ADAM18: variants seen among roughly 807,000 people sequenced by gnomAD.
ADAM18 encodes the protein disintegrin and metalloproteinase domain-containing protein 18.
Under a neutral mutation model 94.4 loss-of-function variants are expected in ADAM18, and 117 were observed. That is an observed-to-expected ratio of 1.24 (90% CI 1.07 to 1.45). The LOEUF (loss-of-function observed/expected upper bound fraction) is 1.45, where lower values mean the gene tolerates loss of function less well. ADAM18 is among the 40% of genes most tolerant of loss of function. The pLI is 0.00. For missense variants in ADAM18, 936 were observed against 880.0 expected, an observed-to-expected ratio of 1.06 and a Z score of -0.81; for synonymous variants, 327 against 291.6, an observed-to-expected ratio of 1.12 and a Z score of -1.24.
chr8:39,727,424 C>T (rs1822947785), intron 19 of ADAM18, among the ~76,000 whole-genome samples: 1 of 152,184 alleles, frequency 6.6e-6, no homozygotes, highest in Non-Finnish European at 1.5e-5. Flanking sequence ...CATTACTTTG[C>T]TCCCCCATCT....
chr8:39,608,072 A>G (rs954828201), intron 3 of ADAM18, among the ~76,000 whole-genome samples: 1 of 152,104 alleles, frequency 6.6e-6, no homozygotes, highest in Non-Finnish European at 1.5e-5. Context: ...TGGCAAATAT[A>G]TAAGTTTTTC....
At chr8:39,727,878 A>T (rs191614395) in intron 19 of ADAM18, among the ~76,000 whole-genome samples, 29 of 152,270 alleles carry the variant, frequency 1.9e-4, no homozygotes, top group Non-Finnish European at 2.9e-5. Flanking sequence ...TTGCATTGCT[A>T]TAAAGAAATA....
intron 6 of ADAM18, among the ~76,000 whole-genome samples, chr8:39,614,739 T>C (rs1212169224): frequency 6.6e-6 from 1 of 152,136 alleles, no homozygotes; most frequent in African/African-American, 2.4e-5. Flanking sequence ...GTGACACCCA[T>C]AGATTCAAAG....
chr8:39,619,310 A>G (rs1819537901), intron 6 of ADAM18, among the ~76,000 whole-genome samples: 1 of 152,228 alleles, frequency 6.6e-6, no homozygotes, highest in Non-Finnish European at 1.5e-5. Context: ...TACTCAAGAT[A>G]AAAGCGACCG....
At chr8:39,716,434 T>C (rs1242173660) in intron 18 of ADAM18, among the ~76,000 whole-genome samples, 1 of 152,000 alleles carries the variant, frequency 6.6e-6, no homozygotes, top group East Asian at 1.9e-4. Flanking sequence ...TTTGTTTCCA[T>C]TTTGTTTTCT....
At chr8:39,701,957 A>G (rs761175719) in intron 17 of ADAM18, among the ~76,000 whole-genome samples, 1 of 152,144 alleles carries the variant, frequency 6.6e-6, no homozygotes, top group East Asian at 1.9e-4. Context: ...ATATGCCTGC[A>G]TGTGTCTTTA....
intron 17 of ADAM18, among the ~76,000 whole-genome samples, chr8:39,706,434 G>C (rs1355206795): frequency 1.3e-5 from 2 of 152,050 alleles, no homozygotes; most frequent in African/African-American, 2.4e-5. Context: ...TCCAAATAGT[G>C]ACAACGAATG....
At chr8:39,682,107 A>G (rs542922326) in intron 16 of ADAM18, among the ~76,000 whole-genome samples, 6 of 152,150 alleles carry the variant, frequency 3.9e-5, no homozygotes, top group African/African-American at 7.2e-5. Flanking sequence ...CTCTTAACTA[A>G]TGTTCTACAG....
chr8:39,717,205 C>G (rs1202254045), intron 18 of ADAM18, among the ~76,000 whole-genome samples: 2 of 151,722 alleles, frequency 1.3e-5, no homozygotes, highest in African/African-American at 4.8e-5. Flanking sequence ...TAAGCTCAAT[C>G]ACATAAAAAA....
At chr8:39,666,222 G>A (rs1011066460) in intron 13 of ADAM18, among the ~76,000 whole-genome samples, 8 of 151,998 alleles carry the variant, frequency 5.3e-5, no homozygotes, top group African/African-American at 1.9e-4. Flanking sequence ...ATTTTTTGTA[G>A]AGATGGGGTA....
At chr8:39,728,079 G>C (rs1384688036) in intron 19 of ADAM18, among the ~76,000 whole-genome samples, 1 of 152,000 alleles carries the variant, frequency 6.6e-6, no homozygotes, top group African/African-American at 2.4e-5. Context: ...AGAGAGTCAG[G>C]TGAGGATGGT....
intron 13 of ADAM18, 30 bp downstream of exon 13, chr8:39,663,920 T>C (rs1820921644): frequency 2.1e-6 from 3 of 1,461,668 alleles, no homozygotes; most frequent in African/African-American, 1.4e-5. Flanking sequence ...TAAAAGCAAA[T>C]TGAACTGTGG....
intron 16 of ADAM18, among the ~76,000 whole-genome samples, chr8:39,689,283 C>T (rs79354411): frequency 0.018 from 2,693 of 152,144 alleles, 42 homozygotes; most frequent in Middle Eastern, 0.037. Flanking sequence ...TCATTGCCTG[C>T]GCCTATGTCT....
rs1820442708 is a variant in ADAM18, at chr8:39,648,413, T to G, written c.1116T>G (p.Phe372Leu). 1 of 1,613,198 alleles carries G rather than the reference T, an allele frequency of 6.2e-7. No homozygotes were observed. The change falls in exon 12 of 20, where the codon TTT (phenylalanine) becomes TTG (leucine). Residue 372 changes from phenylalanine to leucine, a missense_variant. Physicochemically the swap from Phe to Leu is conservative, Grantham distance 22. Transcript: ENST00000265707. ...ACTATAGATATTTTGTTTCAAAATT[T>G]GAGACTAAATGCCTTCAGAAGCTTT... is the stretch of plus-strand genomic sequence containing the variant. The part of the protein sequence containing the change: ...MHDYRYFVSK[F>L]ETKCLQKLSN...
At chr8:39,656,787 G>T (rs1820696594) in intron 12 of ADAM18, among the ~76,000 whole-genome samples, 1 of 152,128 alleles carries the variant, frequency 6.6e-6, no homozygotes, top group South Asian at 2.1e-4. Context: ...TTTCAAAGTG[G>T]ATTTACTAAT....
chr8:39,680,972 A>G lies in ADAM18; in HGVS notation c.1821+746A>G, dbSNP rs985962510. ...AACCCTAATCCCTTGAGAAACCTCT[A>G]TGTGGTAATCTGCTCCTGAAATGAC... is the stretch of plus-strand genomic sequence containing the variant. On this transcript the variant is annotated intron_variant, in intron 16 of 19. Coordinates refer to ENST00000265707, the MANE Select transcript of ADAM18 (RefSeq NM_014237.3). Among the ~76,000 whole-genome samples, 8 of 152,308 alleles carry G rather than the reference A, an allele frequency of 5.3e-5. No individual in the cohort carries two copies. The East Asian group carries it at 1.4e-3, about 26-fold the overall frequency.
At chr8:39,599,773 C>A (rs1271304276) in intron 2 of ADAM18, among the ~76,000 whole-genome samples, 1 of 151,768 alleles carries the variant, frequency 6.6e-6, no homozygotes, top group Non-Finnish European at 1.5e-5. Context: ...AGCTTCCATC[C>A]TTCATATTAT....
intron 4 of ADAM18, 146 bp downstream of exon 4, chr8:39,609,266 T>A: frequency 1.4e-6 from 1 of 724,880 alleles, no homozygotes; most frequent in Non-Finnish European, 2.2e-6. Context: ...GTGATAGAGA[T>A]GAAACCCAGC....
In ADAM18 at chr8:39,677,463, G is replaced by A. The variant is rs768456859; in HGVS notation, c.1558G>A (p.Glu520Lys). Residue 520 changes from glutamate (E) to lysine (K), a missense_variant, in exon 15 of 20, where the codon GAA becomes AAA. By Grantham distance (56) the Glu-to-Lys change is moderately conservative. Coordinates refer to ENST00000265707, the MANE Select transcript of ADAM18 (RefSeq NM_014237.3). ...AGGTGCTCCATTTGCCTGTTTTAAAGAAGTTAATTCTCTGCATGAAAGATC... is the reference window on the plus strand; with the variant it reads ...AGGTGCTCCATTTGCCTGTTTTAAAAAAGTTAATTCTCTGCATGAAAGATC... The part of the protein sequence containing the change: ...AQGAPFACFK[E>K]VNSLHERSEN... 3 of 1,609,400 alleles carry A rather than the reference G, an allele frequency of 1.9e-6. No individual in the cohort carries two copies. The highest frequency in any genetic ancestry group is 4.5e-5 in the East Asian group (2 of 44,606).
Sources: gnomAD v4.1 joint callset for allele counts (sites outside exome capture counted in the v4.1 genomes callset) on GRCh38, gnomAD v4.1.1 for gene constraint, MANE v1.5 for transcripts, NCBI Gene and HGNC (gene_info 2026-07-23, HGNC 2026-07-21) for gene names.